The following TNKS2 variants were observed in gnomAD, a reference collection of about 807,000 sequenced individuals.
The protein encoded by TNKS2 is poly [ADP-ribose] polymerase tankyrase-2.
In TNKS2, 72 loss-of-function variants were observed where a neutral mutation model predicts 137.6. That is an observed-to-expected ratio of 0.52 (90% CI 0.43 to 0.64). The LOEUF (loss-of-function observed/expected upper bound fraction) is 0.64, where lower values mean the gene tolerates loss of function less well. TNKS2 is among the 30% of genes least tolerant of loss of function. The probability of loss-of-function intolerance (pLI) is 0.00; values close to 1 mark genes in which losing one functional copy is unlikely to be tolerated. For missense variants in TNKS2, 1,049 were observed against 1,410.2 expected, an observed-to-expected ratio of 0.74 and a Z score of 4.10; for synonymous variants, 516 against 512.1, an observed-to-expected ratio of 1.01 and a Z score of -0.10.
chr10:91,849,960 C>T (rs1842493211), intron 20 of TNKS2, among the ~76,000 whole-genome samples: 2 of 152,198 alleles, frequency 1.3e-5, no homozygotes, highest in African/African-American at 4.8e-5. Flanking sequence ...TAAGCAGTCT[C>T]AGTTTAAAGT....
Position 91,822,276 on chromosome 10 carries a change from T to TCC in TNKS2, c.729-14_729-13dup. On this transcript the variant is annotated intron_variant, in intron 6 of 26. Transcript: ENST00000371627. ...AGAAATCTATACTGAAACAGGATTT[T>TCC]CCCCCCCTTCTCATTGTAGTGATCT... 1 of 1,593,814 alleles carries TCC rather than the reference T, an allele frequency of 6.3e-7. No homozygotes were observed. Among genetic ancestry groups the TCC allele is most frequent in the Non-Finnish European group, 8.6e-7 (1 of 1,168,242 alleles).
intron 13 of TNKS2, 51 bp from the exon 14 acceptor site, chr10:91,840,510 A>G: frequency 6.6e-7 from 1 of 1,525,658 alleles, no homozygotes; most frequent in Non-Finnish European, 8.9e-7. Context: ...TTGAAACAAG[A>G]AATAACAATA....
chr10:91,841,091 A>C (rs1842197110), intron 14 of TNKS2, among the ~76,000 whole-genome samples, 192 bp from the exon 15 acceptor site: 1 of 152,184 alleles, frequency 6.6e-6, no homozygotes, highest in South Asian at 2.1e-4. Context: ...CTGCATTTAA[A>C]ACATTTTTTA....
At chr10:91,846,871 A>G (rs1485224029) in intron 18 of TNKS2, among the ~76,000 whole-genome samples, 2 of 152,224 alleles carry the variant, frequency 1.3e-5, no homozygotes, top group Non-Finnish European at 2.9e-5. Flanking sequence ...ACCAGATACA[A>G]TTAAGTTACA....
chr10:91,834,140 T>G (rs1471419744), intron 12 of TNKS2, 116 bp downstream of exon 12: 1 of 745,054 alleles, frequency 1.3e-6, no homozygotes, highest in East Asian at 3.0e-5. Context: ...TTTGTTTATT[T>G]CTTCTTAGGT....
chr10:91,820,664 C>A (rs1844857515), intron 6 of TNKS2, among the ~76,000 whole-genome samples: 1 of 152,146 alleles, frequency 6.6e-6, no homozygotes, highest in Non-Finnish European at 1.5e-5. Context: ...GATGATTATT[C>A]TAAAAGAAGT....
chr10:91,833,535 A>G (rs1265160977), intron 11 of TNKS2, among the ~76,000 whole-genome samples: 1 of 152,202 alleles, frequency 6.6e-6, no homozygotes, highest in African/African-American at 2.4e-5. Flanking sequence ...TCTACACTTT[A>G]GAGATCCATA....
At chr10:91,802,402 G>C (rs1844199260) in intron 1 of TNKS2, among the ~76,000 whole-genome samples, 1 of 152,244 alleles carries the variant, frequency 6.6e-6, no homozygotes, top group East Asian at 1.9e-4. Flanking sequence ...GGCTTTGGGA[G>C]TCAAAACTAA....
In TNKS2 at chr10:91,809,582, C is replaced by T. The variant is rs867434958; in HGVS notation, c.200-3401C>T. ...TCGGGAGGCTGAGGCAGGAGAATGG[C>T]GTGAACCTGGGAGGCGGAGCTTGCA... On this transcript the variant is annotated intron_variant, in intron 1 of 26. Coordinates refer to ENST00000371627, the MANE Select transcript of TNKS2 (RefSeq NM_025235.4). 1.2e-4 allele frequency among the ~76,000 whole-genome samples: 18 copies of T among 151,480 alleles called. No homozygotes were observed. In the South Asian group the frequency reaches 2.3e-3, roughly 19 times the overall value.
Position 91,836,992 on chromosome 10 carries a change from T to A in TNKS2, c.1521T>A (p.Thr507=). 1.9e-6 allele frequency: 3 copies of A among 1,613,156 alleles called. No individual in the cohort carries two copies. Among genetic ancestry groups the A allele is most frequent in the Non-Finnish European group, 2.5e-6 (3 of 1,179,528 alleles). ...CTGCAAAGGCTGGAGATGTCGAAAC[T>A]GTAAAAGTAAGATACAGTGTTACGT... is the stretch of plus-strand genomic sequence containing the variant. ...LEAAKAGDVE[T]VKKLCTVQSV... is the part of the protein sequence containing the mutation. Residue 507 remains threonine, a synonymous_variant, in exon 13 of 27, where the codon ACT becomes ACA. Transcript: ENST00000371627.
intron 19 of TNKS2, 61 bp from the exon 20 acceptor site, chr10:91,849,451 G>C: frequency 7.7e-7 from 1 of 1,305,218 alleles, no homozygotes; most frequent in Non-Finnish European, 1.1e-6. Context: ...TACTGTTATA[G>C]TGATGAAATA....
At chr10:91,854,934 T>A in intron 21 of TNKS2, 95 bp from the exon 22 acceptor site, 3 of 606,244 alleles carry the variant, frequency 4.9e-6, no homozygotes, top group Non-Finnish European at 5.6e-6. Flanking sequence ...AAAAAATTGG[T>A]AGTAAGAATC....
intron 13 of TNKS2, among the ~76,000 whole-genome samples, chr10:91,838,506 G>A (rs1448290282): frequency 2.0e-5 from 3 of 152,162 alleles, no homozygotes; most frequent in Admixed American, 6.5e-5. Context: ...TTCGACACAT[G>A]CTATTAGAAA....
chr10:91,846,324 C>T (rs1232023994), intron 18 of TNKS2, among the ~76,000 whole-genome samples: 2 of 152,190 alleles, frequency 1.3e-5, no homozygotes, highest in African/African-American at 4.8e-5. Context: ...GAACATTGCC[C>T]CCCAAGGTGC....
rs1401214078 is a variant in TNKS2, at chr10:91,864,414, T to A, written c.*1415T>A. ...TGGCTTGGCAATCTCTTTTATTTGT[T>A]GACTCTAGCTCCCTTCAAAGTCGAG... On this transcript the variant is annotated 3_prime_UTR_variant, in exon 27 of 27. Transcript: ENST00000371627. 5 of 152,592 alleles carry A rather than the reference T, an allele frequency of 3.3e-5. No homozygotes were observed. The highest frequency in any genetic ancestry group is 7.3e-5 in the Non-Finnish European group (5 of 68,040). 9.5% of individuals were successfully genotyped at this position (152,592 alleles called of 1,614,324 possible).
At chr10:91,833,257 C>T (rs895856014) in intron 11 of TNKS2, among the ~76,000 whole-genome samples, 2 of 152,160 alleles carry the variant, frequency 1.3e-5, no homozygotes, top group African/African-American at 4.8e-5. Context: ...CGTTCTAGGC[C>T]TTGACATACA....
chr10:91,820,444 T>C (rs1026292962), intron 6 of TNKS2, among the ~76,000 whole-genome samples: 1 of 152,218 alleles, frequency 6.6e-6, no homozygotes, highest in Admixed American at 6.5e-5. Context: ...GACATTAGTC[T>C]GTAAGACAAT....
Position 91,841,304 on chromosome 10 carries a change from T to A in TNKS2, c.1695T>A (p.Asn565Lys), listed in dbSNP as rs768489998. Residue 565 changes from asparagine (N) to lysine (K), a missense_variant, in exon 15 of 27, where the codon AAT becomes AAA. By Grantham distance (94) the Asn-to-Lys change is moderately conservative (BLOSUM62 0). Around this residue, in one of 6 missense-constraint regions of TNKS2, gnomAD observed 328 missense variants for 436.0 expected, o/e 0.75. Transcript: ENST00000371627. Reference protein sequence around the residue: ...KDKGGLVPLHNACSYGHYEVA... With the variant: ...KDKGGLVPLHKACSYGHYEVA... ...TCAGAGGCCTTGTACCTTTGCACAA[T>A]GCATGTTCTTATGGACATTATGAAG... 1 of 1,591,692 alleles carries A rather than the reference T, an allele frequency of 6.3e-7. No homozygotes were observed.
intron 7 of TNKS2, among the ~76,000 whole-genome samples, chr10:91,826,542 A>G (rs1022932446): frequency 6.6e-6 from 1 of 152,230 alleles, no homozygotes; most frequent in Non-Finnish European, 1.5e-5. Flanking sequence ...TATTTTTATG[A>G]AATTGAAGAA....
Sources: allele counts gnomAD v4.1 joint callset (sites outside exome capture counted in the v4.1 genomes callset), GRCh38; gene constraint gnomAD v4.1.1; regional missense constraint gnomAD v4.1.1; transcripts MANE v1.5; gene names NCBI Gene and HGNC (gene_info 2026-07-23, HGNC 2026-07-21).